GANC: variants seen among roughly 807,000 people sequenced by gnomAD.
GANC encodes the protein glucosidase alpha, neutral C.
GANC carries 117 observed loss-of-function variants against 124.2 expected under a neutral mutation model. That is an observed-to-expected ratio of 0.94 (90% CI 0.81 to 1.10). The LOEUF (loss-of-function observed/expected upper bound fraction) is 1.10. Among genes scored for constraint, GANC ranks in the 50% least tolerant of loss-of-function variants. The pLI is 0.00. For synonymous variants in GANC, 377 were observed against 376.8 expected (o/e 1.00, Z -0.01); for missense variants, 1,140 against 1,095.0 (o/e 1.04, Z -0.58).
rs556499724 is a variant in GANC, at chr15:42,338,277, G to T, written c.1742-112G>T. On this transcript the variant is annotated intron_variant, in intron 15 of 23. Transcript: ENST00000318010. ...TTAGAATTTATTTATTTTAAGGCAAGAAATTGGTTTTCCTTTTCATTAAGT... is the reference window on the plus strand; with the variant it reads ...TTAGAATTTATTTATTTTAAGGCAATAAATTGGTTTTCCTTTTCATTAAGT... 28 of 579,568 alleles carry T rather than the reference G, an allele frequency of 4.8e-5. No individual in the cohort carries two copies. In the South Asian group the frequency reaches 8.3e-4, roughly 17 times the overall value. The allele number at this position is 579,568 out of a possible 1,614,324, so 35.9% of individuals were successfully genotyped here.
chr15:42,291,190 T>C (rs554407281), intron 4 of GANC, among the ~76,000 whole-genome samples: 4 of 152,192 alleles, frequency 2.6e-5, no homozygotes, highest in Admixed American at 2.6e-4. Flanking sequence ...ATGGAAATGG[T>C]TTCTGAGGAA....
chr15:42,299,910 T>C (rs1417798594), intron 6 of GANC, among the ~76,000 whole-genome samples: 2 of 152,208 alleles, frequency 1.3e-5, no homozygotes, highest in African/African-American at 2.4e-5. Flanking sequence ...TGGCTAGCCA[T>C]ATGCAGAAAA....
intron 5 of GANC, among the ~76,000 whole-genome samples, chr15:42,293,785 G>A (rs1306684316): frequency 1.3e-5 from 2 of 151,662 alleles, no homozygotes; most frequent in Non-Finnish European, 2.9e-5. Flanking sequence ...CAGGCACAGT[G>A]GCTCACACCT....
Position 42,352,481 on chromosome 15 carries a change from C to A in GANC, c.*342C>A. On this transcript the variant is annotated 3_prime_UTR_variant, in exon 24 of 24. Coordinates refer to ENST00000318010, the MANE Select transcript of GANC (RefSeq NM_198141.3). ...ACGTGGGCCAAGCCTACCTGGGCAG[C>A]CCATTTGCCAGGGCTTGCCTCAGGC... The A allele has an allele frequency of 1.9e-6, 2 of 1,050,002 alleles. No individual in the cohort carries two copies. Among genetic ancestry groups the A allele is most frequent in the Non-Finnish European group, 2.3e-6 (2 of 867,880 alleles). 65.0% of individuals were successfully genotyped at this position (1,050,002 alleles called of 1,614,324 possible).
At position 42,352,431 on chromosome 15, in the gene GANC, A is replaced by C; in HGVS notation, c.*292A>C. The C allele has an allele frequency of 8.9e-7, 1 of 1,127,560 alleles. No homozygotes were observed. The allele number at this position is 1,127,560 out of a possible 1,614,324, so 69.8% of individuals were successfully genotyped here. On this transcript the variant is annotated 3_prime_UTR_variant, in exon 24 of 24. Coordinates refer to ENST00000318010, the MANE Select transcript of GANC (RefSeq NM_198141.3). Reference sequence around the variant, plus strand: ...AGTCTTCTATTGCTTCCATTCCTTCAGCAGGGCTGCGTGGGTCTGTTTTAA... The same window carrying C: ...AGTCTTCTATTGCTTCCATTCCTTCCGCAGGGCTGCGTGGGTCTGTTTTAA...
chr15:42,283,218 C>G (rs990187060), intron 3 of GANC, among the ~76,000 whole-genome samples: 12 of 152,168 alleles, frequency 7.9e-5, no homozygotes, highest in African/African-American at 2.7e-4. Context: ...AAGCTGGTTG[C>G]GTGTTCAGAT....
At chr15:42,321,712 T>A in intron 10 of GANC, 73 bp from the exon 11 acceptor site, 1 of 1,271,580 alleles carries the variant, frequency 7.9e-7, no homozygotes, top group Non-Finnish European at 1.1e-6. Context: ...CTGTAGACAT[T>A]CAGGAAATGT....
chr15:42,310,191 C>T (rs2052036694), intron 8 of GANC, 92 bp from the exon 9 acceptor site: 1 of 967,384 alleles, frequency 1.0e-6, no homozygotes. Context: ...TGCGTGGGAC[C>T]TAAGTGTTTA....
rs536624569 is a variant in GANC, at chr15:42,310,335, T to G, written c.775T>G (p.Tyr259Asp). Residue 259 changes from tyrosine (Y) to aspartate (D), a missense_variant, in exon 9 of 24, where the codon TAT (tyrosine) becomes GAT (aspartate). Physicochemically the swap from Tyr to Asp is radical, Grantham distance 160. Transcript: ENST00000318010. ...YNLDVYGYQIYDKMGIYGSVP... is the reference protein window; with the variant it reads ...YNLDVYGYQIDDKMGIYGSVP... Reference sequence around the variant, plus strand: ...CCTGGATGTCTATGGATACCAAATATATGATAAAATGGGCATTTATGGTTC... The same window carrying G: ...CCTGGATGTCTATGGATACCAAATAGATGATAAAATGGGCATTTATGGTTC... 6.2e-7 allele frequency: 1 copy of G among 1,613,368 alleles called. No homozygotes were observed. Among genetic ancestry groups the G allele is most frequent in the Admixed American group, 1.7e-5 (1 of 59,998 alleles).
rs185332687 is a variant in GANC, at chr15:42,307,137, G to A, written c.625+525G>A. On this transcript the variant is annotated intron_variant, in intron 7 of 23. Coordinates refer to ENST00000318010, the MANE Select transcript of GANC (RefSeq NM_198141.3). ...CTTTCAGGTACTTGGGGCTTATGCA[G>A]TTAGAAAAATACTCACTTTCCTCTT... 9.2e-5 allele frequency among the ~76,000 whole-genome samples: 14 copies of A among 152,238 alleles called. No homozygotes were observed. The East Asian group carries it at 2.5e-3, about 27-fold the overall frequency.
Position 42,351,369 on chromosome 15 carries a change from G to A in GANC, c.2572G>A (p.Val858Met). The A allele has an allele frequency of 6.2e-7, 1 of 1,614,068 alleles. No individual in the cohort carries two copies. The highest frequency in any genetic ancestry group is 1.3e-5 in the African/African-American group (1 of 75,036). Residue 858 changes from valine (V) to methionine (M), a missense_variant, in exon 23 of 24, where the codon GTG (valine) becomes ATG (methionine). Val to Met is a conservative substitution (Grantham distance 21). Transcript: ENST00000318010. ...GGGTCATTATCCCAGCAAGTGTGTG[G>A]TGGAGAAGATCTTGGTCTTAGGCTT... The part of the protein sequence containing the change: ...QRGHYPSKCV[V>M]EKILVLGFRK...
chr15:42,300,133 G>A (rs2051931519), intron 6 of GANC, among the ~76,000 whole-genome samples: 1 of 152,148 alleles, frequency 6.6e-6, no homozygotes, highest in Non-Finnish European at 1.5e-5. Flanking sequence ...TTAAACTAAA[G>A]AGCTTCTGCA....
At chr15:42,289,061 T>C (rs1226751207) in intron 4 of GANC, among the ~76,000 whole-genome samples, 3 of 152,226 alleles carry the variant, frequency 2.0e-5, no homozygotes, top group Non-Finnish European at 4.4e-5. Context: ...ATGGTAAATA[T>C]GGTATTAATT....
intron 15 of GANC, among the ~76,000 whole-genome samples, chr15:42,335,007 G>A (rs1004082947): frequency 2.6e-5 from 4 of 152,070 alleles, no homozygotes; most frequent in African/African-American, 9.7e-5. Flanking sequence ...CCCAGGACCA[G>A]ACAGATTCAC....
rs780044788 is a variant in GANC at position 42,283,665 on chromosome 15, C to A, written c.202-4026C>A. 4 of 702,586 alleles carry A rather than the reference C, an allele frequency of 5.7e-6. No homozygotes were observed. The South Asian group carries it at 5.9e-5, about 10-fold the overall frequency. The allele number at this position is 702,586 out of a possible 1,614,324, so 43.5% of individuals were successfully genotyped here. A position where few individuals can be genotyped will look rare whatever the true frequency, so the allele number is the denominator to read the frequency against. On this transcript the variant is annotated intron_variant, in intron 3 of 23. Transcript: ENST00000318010. ...ACTTCCAGCAGCTTCTCCGAGGATG[C>A]AGGAATATCTCTGAGCACCTCTGTG...
intron 5 of GANC, among the ~76,000 whole-genome samples, chr15:42,295,691 G>A (rs975993593): frequency 5.8e-5 from 8 of 138,268 alleles, no homozygotes; most frequent in South Asian, 2.4e-4. Context: ...CACACACAGC[G>A]TGAACAAAAT....
intron 22 of GANC, among the ~76,000 whole-genome samples, chr15:42,350,899 T>A (rs1449411790): frequency 6.8e-6 from 1 of 146,322 alleles, no homozygotes; most frequent in African/African-American, 2.6e-5. Context: ...TGAGATGGAG[T>A]CTCACTGTAT....
In GANC at chr15:42,280,217, C is replaced by A. The variant is rs532989390; in HGVS notation, c.201+1627C>A. Among the ~76,000 whole-genome samples the A allele has an allele frequency of 2.0e-5, 3 of 152,298 alleles. No individual in the cohort carries two copies. In the South Asian group the frequency reaches 6.2e-4, roughly 32 times the overall value. ...CTCCAAAATCTAGTACTGATTCTTA[C>A]ACCACCCATTTTTCTGGAGTAATTT... On this transcript the variant is annotated intron_variant, in intron 3 of 23. Coordinates refer to ENST00000318010, the MANE Select transcript of GANC (RefSeq NM_198141.3).
At chr15:42,348,544 C>G (rs2052388615) in intron 21 of GANC, among the ~76,000 whole-genome samples, 1 of 152,148 alleles carries the variant, frequency 6.6e-6, no homozygotes, top group Non-Finnish European at 1.5e-5. Flanking sequence ...ACCCAGTCTC[C>G]CATAAAACGG....
Sources: gnomAD v4.1 joint callset for allele counts (sites outside exome capture counted in the v4.1 genomes callset) on GRCh38, gnomAD v4.1.1 for gene constraint, MANE v1.5 for transcripts, NCBI Gene and HGNC (gene_info 2026-07-23, HGNC 2026-07-21) for gene names.